ANO2: variants seen among roughly 807,000 people sequenced by gnomAD.
ANO2 encodes anoctamin 2, also known as anoctamin-2.
ANO2 carries 101 observed loss-of-function variants against 124.2 expected under a neutral mutation model. That is an observed-to-expected ratio of 0.81 (90% CI 0.69 to 0.96). The LOEUF (loss-of-function observed/expected upper bound fraction) is 0.96. Ranked by LOEUF, ANO2 falls within the 40% of genes least tolerant of loss-of-function variation. The pLI is 0.00. For missense variants in ANO2, 1,293 were observed against 1,274.5 expected (o/e 1.01, Z -0.22); for synonymous variants, 486 against 482.5 (o/e 1.01, Z -0.09).
At chr12:5,583,373 G>A (rs1402766384) in intron 20 of ANO2, among the ~76,000 whole-genome samples, 1 of 152,156 alleles carries the variant, frequency 6.6e-6, no homozygotes, top group Non-Finnish European at 1.5e-5. Flanking sequence ...ATGCTTTCTG[G>A]CTGGGCGCGG....
chr12:5,720,090 C>T (rs570328607), intron 14 of ANO2, among the ~76,000 whole-genome samples: 2 of 152,094 alleles, frequency 1.3e-5, no homozygotes, highest in South Asian at 4.1e-4. Flanking sequence ...GACAGGACTG[C>T]AATGATTTGG....
intron 3 of ANO2, among the ~76,000 whole-genome samples, chr12:5,860,530 G>A (rs1309044187): frequency 2.0e-5 from 3 of 152,196 alleles, no homozygotes; most frequent in African/African-American, 4.8e-5. Flanking sequence ...TTTGGATCCT[G>A]TGACCAATCT....
At chr12:5,585,785 T>C (rs1334861687) in intron 20 of ANO2, among the ~76,000 whole-genome samples, 1 of 152,058 alleles carries the variant, frequency 6.6e-6, no homozygotes, top group Non-Finnish European at 1.5e-5. Context: ...ATGATTGGAA[T>C]GAAGTTCCCA....
At chr12:5,610,859 C>CACACACA (rs1565472296) in intron 19 of ANO2, among the ~76,000 whole-genome samples, 2 of 141,588 alleles carry the variant, frequency 1.4e-5, no homozygotes, top group South Asian at 4.4e-4. Flanking sequence ...CACACACACA[C>CACACACA]AACCCTAAGG....
intron 10 of ANO2, among the ~76,000 whole-genome samples, chr12:5,777,813 G>A (rs1301411359): frequency 6.6e-6 from 1 of 152,154 alleles, no homozygotes; most frequent in Non-Finnish European, 1.5e-5. Context: ...AACGTTCACA[G>A]CCAGAAAAGC....
At chr12:5,818,442 T>C (rs1953676408) in intron 7 of ANO2, among the ~76,000 whole-genome samples, 1 of 112,474 alleles carries the variant, frequency 8.9e-6, no homozygotes, top group African/African-American at 3.3e-5. Flanking sequence ...CTTAATAAAC[T>C]CATATTATAT....
chr12:5,737,405 A>T (rs568409283), intron 13 of ANO2, among the ~76,000 whole-genome samples: 1 of 152,320 alleles, frequency 6.6e-6, no homozygotes, highest in African/African-American at 2.4e-5. Flanking sequence ...AGAAAAATGG[A>T]TTATAATCTC....
At chr12:5,760,208 TA>T (rs1377668032) in intron 10 of ANO2, among the ~76,000 whole-genome samples, 1 of 152,232 alleles carries the variant, frequency 6.6e-6, no homozygotes, top group Non-Finnish European at 1.5e-5. Flanking sequence ...CAATTCATTA[TA>T]TTTTTTATTC....
At chr12:5,589,592 G>A (rs536367482) in intron 20 of ANO2, among the ~76,000 whole-genome samples, 23 of 152,284 alleles carry the variant, frequency 1.5e-4, no homozygotes, top group Middle Eastern at 3.4e-3. Flanking sequence ...CTGGCGGGGG[G>A]GTGCTGGGCA....
intron 1 of ANO2, among the ~76,000 whole-genome samples, chr12:5,932,736 G>A (rs965654854): frequency 2.0e-5 from 3 of 152,140 alleles, no homozygotes; most frequent in African/African-American, 4.8e-5. Context: ...AGGAAGGAAA[G>A]TAGACTAGTG....
chr12:5,705,304 G>T (rs16933797), intron 14 of ANO2, among the ~76,000 whole-genome samples: 22,930 of 152,094 alleles, frequency 0.15, 1,840 homozygotes, highest in Middle Eastern at 0.22. Context: ...AGAAAAAATT[G>T]AAAGAGAAAG....
intron 3 of ANO2, among the ~76,000 whole-genome samples, chr12:5,855,105 C>A (rs1357831630): frequency 6.6e-6 from 1 of 152,180 alleles, no homozygotes; most frequent in Non-Finnish European, 1.5e-5. Flanking sequence ...AAATTAAGCA[C>A]AAGCATTGTG....
intron 7 of ANO2, among the ~76,000 whole-genome samples, chr12:5,809,863 G>C (rs1433261320): frequency 6.6e-6 from 1 of 152,182 alleles, no homozygotes; most frequent in African/African-American, 2.4e-5. Context: ...AGAGATGGCA[G>C]CCCTAACAGT....
chr12:5,872,811 C>G (rs1937793139), intron 3 of ANO2, among the ~76,000 whole-genome samples: 1 of 152,064 alleles, frequency 6.6e-6, no homozygotes, highest in Non-Finnish European at 1.5e-5. Context: ...ACCTGTCAGC[C>G]CTCCAAGTTC....
chr12:5,880,668 CAATT>C (rs935015942), intron 3 of ANO2, among the ~76,000 whole-genome samples: 7 of 151,984 alleles, frequency 4.6e-5, no homozygotes, highest in Non-Finnish European at 1.0e-4. Flanking sequence ...TGGATCTTCT[CAATT>C]AATAGAAATA....
chr12:5,631,710 G>A (rs903338435), intron 16 of ANO2, among the ~76,000 whole-genome samples: 11 of 152,170 alleles, frequency 7.2e-5, no homozygotes, highest in East Asian at 1.9e-4. Flanking sequence ...CACTGAGGTC[G>A]TTTTGGCAGT....
intron 24 of ANO2, 103 bp from the exon 25 acceptor site, chr12:5,563,671 T>G (rs1941582008): frequency 6.9e-7 from 1 of 1,453,446 alleles, no homozygotes; most frequent in Admixed American, 1.9e-5. Flanking sequence ...GCTTTGCAAC[T>G]TACCAGCCCA....
At chr12:5,633,943 T>G (rs1208708082) in intron 16 of ANO2, among the ~76,000 whole-genome samples, 1 of 152,116 alleles carries the variant, frequency 6.6e-6, no homozygotes, top group East Asian at 1.9e-4. Context: ...TGTCTGACTC[T>G]CACTTATCTC....
chr12:5,678,079 G>A (rs1312146839), intron 14 of ANO2, among the ~76,000 whole-genome samples: 4 of 152,114 alleles, frequency 2.6e-5, no homozygotes, highest in Admixed American at 1.3e-4. Context: ...AAACCCCTCA[G>A]GTCTGATGTG....
Sources: allele counts gnomAD v4.1 joint callset (sites outside exome capture counted in the v4.1 genomes callset), GRCh38; gene constraint gnomAD v4.1.1; transcripts MANE v1.5; gene names NCBI Gene and HGNC (gene_info 2026-07-23, HGNC 2026-07-21).